Variants in PDE1A observed in about 807,000 individuals in gnomAD.
The protein encoded by PDE1A is dual specificity calcium/calmodulin-dependent 3',5'-cyclic nucleotide phosphodiesterase 1A.
A neutral mutation model predicts 61.7 loss-of-function variants in PDE1A; 35 were observed. That is an observed-to-expected ratio of 0.57 (90% CI 0.43 to 0.75). The LOEUF (loss-of-function observed/expected upper bound fraction) is 0.75, where lower values mean the gene tolerates loss of function less well. Ranked by LOEUF, PDE1A falls within the 30% of genes least tolerant of loss-of-function variation. The pLI, the probability that PDE1A is intolerant of heterozygous loss-of-function variation, is 0.00. For missense variants in PDE1A, 597 were observed against 630.6 expected, an observed-to-expected ratio of 0.95 and a Z score of 0.57; for synonymous variants, 232 against 213.2, an observed-to-expected ratio of 1.09 and a Z score of -0.77.
At chr2:182,605,670 T>C in the PDE1A span, among the ~76,000 whole-genome samples, 1 of 152,236 alleles carries the variant, frequency 6.6e-6, no homozygotes, top group African/African-American at 2.4e-5. Flanking sequence ...CATCAATCCA[T>C]TGATCCAGAG....
intron 6 of PDE1A, among the ~76,000 whole-genome samples, chr2:182,225,594 A>G (rs1181662543): frequency 6.6e-6 from 1 of 151,940 alleles, no homozygotes; most frequent in Non-Finnish European, 1.5e-5. Flanking sequence ...CCTCAGGAAA[A>G]TAAGTTATTT....
intron 1 of PDE1A, among the ~76,000 whole-genome samples, chr2:182,421,287 CAT>C (rs1703263869): frequency 6.6e-6 from 1 of 152,104 alleles, no homozygotes; most frequent in African/African-American, 2.4e-5. Flanking sequence ...GATAAATGTA[CAT>C]GTCATCAAGC....
At chr2:182,163,821 A>G (rs929432056), downstream of PDE1A, among the ~76,000 whole-genome samples, 1 of 152,186 alleles carries the variant, frequency 6.6e-6, no homozygotes, top group African/African-American at 2.4e-5. Flanking sequence ...GCTGCTATGC[A>G]AGCTGCTCTG....
At chr2:182,645,275 C>T in the PDE1A span, among the ~76,000 whole-genome samples, 1 of 75,028 alleles carries the variant, frequency 1.3e-5, no homozygotes, top group Non-Finnish European at 3.0e-5. Flanking sequence ...CGTGAGCCAC[C>T]GCCTCTTCTG....
upstream of PDE1A, among the ~76,000 whole-genome samples, chr2:182,527,160 T>G (rs1050940090): frequency 2.6e-4 from 39 of 149,946 alleles, no homozygotes; most frequent in African/African-American, 9.3e-4. Context: ...AGAAAGAGAA[T>G]TAGCTAATAA....
chr2:182,274,785 C>A (rs1216154147), intron 1 of PDE1A, among the ~76,000 whole-genome samples: 7 of 152,012 alleles, frequency 4.6e-5, no homozygotes, highest in Non-Finnish European at 1.0e-4. Flanking sequence ...TTTGGTTTTA[C>A]AGAATTTCCC....
intron 7 of PDE1A, among the ~76,000 whole-genome samples, chr2:182,218,507 A>G: frequency 6.6e-6 from 1 of 152,102 alleles, no homozygotes; most frequent in East Asian, 1.9e-4. Context: ...TCTTGAACTT[A>G]TTTATCCCAT....
intron 2 of PDE1A, chr2:182,241,897 G>C (rs1043390469): frequency 6.5e-7 from 1 of 1,537,468 alleles, no homozygotes. Context: ...AAAATAGTTT[G>C]TTTATCTTTT....
At chr2:182,547,152 T>A in the PDE1A span, among the ~76,000 whole-genome samples, 1 of 152,218 alleles carries the variant, frequency 6.6e-6, no homozygotes, top group Non-Finnish European at 1.5e-5. Context: ...AGAGCCTTCA[T>A]TAACAGCCCT....
At chr2:182,365,355 T>A (rs1235106770) in intron 1 of PDE1A, among the ~76,000 whole-genome samples, 5 of 152,076 alleles carry the variant, frequency 3.3e-5, no homozygotes, top group Non-Finnish European at 7.4e-5. Flanking sequence ...TGTTTTCTCC[T>A]GTTTTCATGA....
chr2:182,199,915 T>A (rs964628958), intron 10 of PDE1A, among the ~76,000 whole-genome samples: 7 of 151,944 alleles, frequency 4.6e-5, no homozygotes, highest in African/African-American at 1.7e-4. Context: ...ATATTTGGTG[T>A]TTATATCTTC....
the PDE1A span, among the ~76,000 whole-genome samples, chr2:182,560,043 G>A: frequency 1.3e-5 from 2 of 150,788 alleles, no homozygotes; most frequent in South Asian, 2.2e-4. Context: ...CAGAGGGATG[G>A]ATGAGGAAGA....
chr2:182,224,985 CA>C (rs1231097751), intron 6 of PDE1A, among the ~76,000 whole-genome samples: 1 of 151,646 alleles, frequency 6.6e-6, no homozygotes, highest in Non-Finnish European at 1.5e-5. Flanking sequence ...ACACTTAAAA[CA>C]ATAAAAGACT....
intron 3 of PDE1A, among the ~76,000 whole-genome samples, chr2:182,236,310 A>T (rs1253821971): frequency 2.0e-5 from 3 of 151,228 alleles, no homozygotes; most frequent in Admixed American, 6.6e-5. Flanking sequence ...ACTATACAAG[A>T]TCTAGAATAA....
At chr2:182,208,657 C>T (rs1287145519) in intron 7 of PDE1A, among the ~76,000 whole-genome samples, 2 of 152,180 alleles carry the variant, frequency 1.3e-5, no homozygotes, top group Admixed American at 6.5e-5. Context: ...GGGGGCTGTA[C>T]CCTGCAGAGC....
intron 2 of PDE1A, among the ~76,000 whole-genome samples, chr2:182,240,617 G>C (rs1402401904): frequency 6.6e-6 from 1 of 152,080 alleles, no homozygotes; most frequent in African/African-American, 2.4e-5. Flanking sequence ...ACTAAGGAAA[G>C]ATAGGGAAGT....
the PDE1A span, among the ~76,000 whole-genome samples, chr2:182,588,860 A>T: frequency 6.6e-6 from 1 of 152,108 alleles, no homozygotes; most frequent in East Asian, 1.9e-4. Context: ...CTTGGCCAAC[A>T]TGGTGAAACC....
At chr2:182,333,956 A>G (rs967998212) in intron 1 of PDE1A, among the ~76,000 whole-genome samples, 1 of 152,232 alleles carries the variant, frequency 6.6e-6, no homozygotes, top group Non-Finnish European at 1.5e-5. Context: ...AAACACCTCT[A>G]TGCAAATAAA....
chr2:182,609,060 A>T, the PDE1A span, among the ~76,000 whole-genome samples: 6 of 152,192 alleles, frequency 3.9e-5, no homozygotes, highest in African/African-American at 1.2e-4. Flanking sequence ...TGTCTAGCTA[A>T]GGGATTGTAA....
Sources: allele counts gnomAD v4.1 joint callset (sites outside exome capture counted in the v4.1 genomes callset), GRCh38; gene constraint gnomAD v4.1.1; transcripts MANE v1.5; gene names NCBI Gene and HGNC (gene_info 2026-07-23, HGNC 2026-07-21).